Variants in ZNF385C observed in about 807,000 individuals in gnomAD.
ZNF385C encodes the protein zinc finger protein 385C.
Under a neutral mutation model 35.4 loss-of-function variants are expected in ZNF385C, and 28 were observed. The observed-to-expected ratio is 0.79, with a 90% CI of 0.59 to 1.08. ZNF385C has a LOEUF of 1.08. Among genes scored for constraint, ZNF385C ranks in the 50% least tolerant of loss-of-function variants. The pLI, the probability that ZNF385C is intolerant of heterozygous loss-of-function variation, is 0.00. For missense variants in ZNF385C, 605 were observed against 595.6 expected, an observed-to-expected ratio of 1.02 and a Z score of -0.16; for synonymous variants, 248 against 248.2, an observed-to-expected ratio of 1.00 and a Z score of 0.01.
chr17:42,045,079 G>A (rs376109086), intron 2 of ZNF385C, among the ~76,000 whole-genome samples: 2 of 152,234 alleles, frequency 1.3e-5, no homozygotes, highest in African/African-American at 4.8e-5. Context: ...CATCACGCCC[G>A]GCTAATTTTT....
chr17:42,028,220 C>G lies in ZNF385C; in HGVS notation c.994G>C (p.Gly332Arg), dbSNP rs1567982811. The G allele has an allele frequency of 1.3e-6, 2 of 1,548,378 alleles. No homozygotes were observed. The highest frequency in any genetic ancestry group is 1.2e-5 in the South Asian group (1 of 81,200). The change falls in exon 7 of 9, where the codon GGT becomes CGT. Residue 332 changes from glycine to arginine, a missense_variant. Gly to Arg is a moderately radical substitution (Grantham distance 125, BLOSUM62 -2). Coordinates refer to ENST00000692273, the MANE Select transcript of ZNF385C (RefSeq NM_001392013.1). The part of the protein sequence containing the change: ...TGAKHRWMME[G>R]QRGAPRRSRG... ...CTCCTCCGGGGAGCCCCTCGCTGACCTTCCATCATCCACCGGTGCTTGGCT... is the reference window on the plus strand; with the variant it reads ...CTCCTCCGGGGAGCCCCTCGCTGACGTTCCATCATCCACCGGTGCTTGGCT...
At chr17:42,079,203 A>AAAAT (rs1555659529) in intron 1 of ZNF385C, among the ~76,000 whole-genome samples, 1 of 113,824 alleles carries the variant, frequency 8.8e-6, no homozygotes, top group Non-Finnish European at 1.7e-5. Flanking sequence ...AAAAAAAAAA[A>AAAAT]ATATATATAT....
intron 6 of ZNF385C, 40 bp from the exon 7 acceptor site, chr17:42,028,286 G>T: frequency 1.3e-6 from 2 of 1,505,492 alleles, no homozygotes; most frequent in Non-Finnish European, 1.8e-6. Context: ...AGCAGGAAGG[G>T]GTTGCAGGGG....
In ZNF385C at chr17:42,028,103, AGGCAGGGCTGGGCCCCTGCC is replaced by A; in HGVS notation, c.1091_1110del (p.Arg364LeufsTer57). Reference sequence around the variant, plus strand: ...TGGAGCTGACAGAGAGCACAGTGGAAGGCAGGGCTGGGCCCCTGCCGGCCGCCCCGGCCCCCTGTGACTCT... The same window carrying A: ...TGGAGCTGACAGAGAGCACAGTGGAAGGCCGCCCCGGCCCCCTGTGACTCT... On this transcript the variant is annotated frameshift_variant, in exon 7 of 9. Transcript: ENST00000692273. LOFTEE classifies it high-confidence loss of function. 6.2e-7 allele frequency: 1 copy of A among 1,613,706 alleles called. No homozygotes were observed. Among genetic ancestry groups the A allele is most frequent in the Non-Finnish European group, 8.5e-7 (1 of 1,179,904 alleles).
chr17:42,066,779 G>A (rs77447091), intron 1 of ZNF385C, among the ~76,000 whole-genome samples: 35 of 152,104 alleles, frequency 2.3e-4, no homozygotes, highest in African/African-American at 8.4e-4. Flanking sequence ...TTATGAAAAG[G>A]TGAAATTGAC....
intron 2 of ZNF385C, among the ~76,000 whole-genome samples, chr17:42,046,863 C>CT (rs782334593): frequency 2.0e-3 from 282 of 140,650 alleles, no homozygotes; most frequent in African/African-American, 4.4e-3. Flanking sequence ...ATTTTTTTTC[C>CT]TTTTTTTTTT....
intron 2 of ZNF385C, among the ~76,000 whole-genome samples, chr17:42,059,612 T>G (rs1169382488): frequency 1.3e-5 from 1 of 79,970 alleles, no homozygotes. Context: ...TGTGACCTTT[T>G]TTGTTGTTGT....
At chr17:42,042,150 T>C (rs2053037428) in intron 2 of ZNF385C, among the ~76,000 whole-genome samples, 1 of 152,106 alleles carries the variant, frequency 6.6e-6, no homozygotes, top group African/African-American at 2.4e-5. Flanking sequence ...GGCAGGAGGA[T>C]TGCTTGAGGC....
At chr17:42,029,828 C>G (rs9903304) in intron 5 of ZNF385C, among the ~76,000 whole-genome samples, 129,530 of 152,100 alleles carry the variant, frequency 0.85, 55,305 homozygotes, top group Admixed American at 0.9. Flanking sequence ...GAGTCCAGGA[C>G]TTCGAGACCA....
In ZNF385C at chr17:42,026,045, A is replaced by T. The variant is rs2052571433; in HGVS notation, c.*852T>A. Reference sequence around the variant, plus strand: ...GGTTCAGGAAGTCAGAGAAAGGCTAAGAAGAAGAGCTTCTGAGGGATGAGT... The same window carrying T: ...GGTTCAGGAAGTCAGAGAAAGGCTATGAAGAAGAGCTTCTGAGGGATGAGT... On this transcript the variant is annotated 3_prime_UTR_variant, in exon 9 of 9. Transcript: ENST00000692273. 6.6e-6 allele frequency: 1 copy of T among 152,006 alleles called. No individual in the cohort carries two copies. The highest frequency in any genetic ancestry group is 1.5e-5 in the Non-Finnish European group (1 of 68,082). 9.4% of individuals were successfully genotyped at this position (152,006 alleles called of 1,614,324 possible).
At chr17:42,069,740 T>G in intron 1 of ZNF385C, among the ~76,000 whole-genome samples, 1 of 152,246 alleles carries the variant, frequency 6.6e-6, no homozygotes, top group Non-Finnish European at 1.5e-5. Flanking sequence ...GGGCTTTGGT[T>G]TCCTGTCTTT....
chr17:42,036,803 C>A (rs533778745), intron 3 of ZNF385C, among the ~76,000 whole-genome samples: 2 of 151,690 alleles, frequency 1.3e-5, no homozygotes, highest in Admixed American at 6.6e-5. Context: ...GACCACCCCC[C>A]AAATGCCTCA....
intron 4 of ZNF385C, among the ~76,000 whole-genome samples, chr17:42,032,413 A>T (rs922523266): frequency 1.3e-5 from 2 of 152,178 alleles, no homozygotes; most frequent in African/African-American, 2.4e-5. Context: ...CTCCTCACCC[A>T]TAAACCCTGT....
At chr17:42,040,768 C>T (rs782532459) in intron 2 of ZNF385C, 309 of 1,232,212 alleles carry the variant, frequency 2.5e-4, no homozygotes, top group Non-Finnish European at 2.9e-4. Context: ...ACCATGGAGG[C>T]GGAATAGGGC....
intron 5 of ZNF385C, among the ~76,000 whole-genome samples, chr17:42,031,293 C>A (rs2052723483): frequency 6.6e-6 from 1 of 152,166 alleles, no homozygotes; most frequent in Non-Finnish European, 1.5e-5. Flanking sequence ...CCTCAGCCTC[C>A]CAAAGTGTTA....
At chr17:42,080,201 C>A (rs1333753319) in intron 1 of ZNF385C, among the ~76,000 whole-genome samples, 2 of 152,124 alleles carry the variant, frequency 1.3e-5, no homozygotes, top group Non-Finnish European at 2.9e-5. Context: ...GAGAGGACAG[C>A]CTTATACTGC....
At chr17:42,043,168 TTGTC>T (rs2143674064) in intron 2 of ZNF385C, 2 of 1,232,188 alleles carry the variant, frequency 1.6e-6, no homozygotes, top group Admixed American at 4.2e-5. Context: ...GCGCTGGAAG[TTGTC>T]TGTGCCCACA....
At chr17:42,039,904 C>G in intron 2 of ZNF385C, 5 of 1,231,368 alleles carry the variant, frequency 4.1e-6, no homozygotes, top group Non-Finnish European at 5.1e-6. Flanking sequence ...CAGGCCAGCG[C>G]CCGCGGGCAG....
At chr17:42,031,559 C>A (rs1469242451) in intron 5 of ZNF385C, 60 bp downstream of exon 5, 3 of 1,509,676 alleles carry the variant, frequency 2.0e-6, no homozygotes, top group Admixed American at 4.4e-5. Context: ...ATCTCTCAAC[C>A]CCTTGTCGGA....
Sources: gnomAD v4.1 joint callset for allele counts (sites outside exome capture counted in the v4.1 genomes callset) on GRCh38, gnomAD v4.1.1 for gene constraint, MANE v1.5 for transcripts, NCBI Gene and HGNC (gene_info 2026-07-23, HGNC 2026-07-21) for gene names.